TOM1: variants seen among roughly 807,000 people sequenced by gnomAD.
TOM1 encodes the protein target of myb1 membrane trafficking protein, also known as target of Myb protein 1.
Under a neutral mutation model 61.3 loss-of-function variants are expected in TOM1, and 38 were observed. The ratio of observed to expected loss-of-function variants is 0.62; its 90% CI spans 0.48 to 0.81. TOM1 has a LOEUF of 0.81. Among genes scored for constraint, TOM1 ranks in the 40% least tolerant of loss-of-function variants. The pLI is 0.00. For synonymous variants in TOM1, 270 were observed against 268.8 expected (o/e 1.00, Z -0.04); for missense variants, 591 against 659.6 (o/e 0.90, Z 1.14).
In TOM1 at chr22:35,323,451, CA is replaced by C; in HGVS notation, c.367-44del. On this transcript the variant is annotated intron_variant, in intron 4 of 14. Transcript: ENST00000449058. This position sits in a 1 kb window ranked among gnomAD's most constrained non-coding sequence, Gnocchi z 4.2. ...TCTGAGTGCCAGGTGGGCAGGCTCACAGGTGAGCTGTGGTTACCGGCTGTGT... is the reference window on the plus strand; with the variant it reads ...TCTGAGTGCCAGGTGGGCAGGCTCACGGTGAGCTGTGGTTACCGGCTGTGT... The C allele has an allele frequency of 3.1e-6, 5 of 1,606,672 alleles. No individual in the cohort carries two copies. The highest frequency in any genetic ancestry group is 4.3e-6 in the Non-Finnish European group (5 of 1,176,140).
chr22:35,318,694 G>A (rs1601681307), intron 2 of TOM1, among the ~76,000 whole-genome samples: 1 of 152,256 alleles, frequency 6.6e-6, no homozygotes, highest in Non-Finnish European at 1.5e-5. Context: ...GTCCCTGGAG[G>A]GAGCAGAAAG....
At chr22:35,305,219 A>G (rs1926210268) in intron 1 of TOM1, among the ~76,000 whole-genome samples, 3 of 152,180 alleles carry the variant, frequency 2.0e-5, no homozygotes, top group Admixed American at 2.0e-4. Flanking sequence ...TTCTGCTCCT[A>G]ACTATGTCAC....
chr22:35,306,073 A>G (rs1293731616), intron 1 of TOM1, among the ~76,000 whole-genome samples: 1 of 152,226 alleles, frequency 6.6e-6, no homozygotes, highest in African/African-American at 2.4e-5. Flanking sequence ...GCATAAATAA[A>G]AATATTTATG....
intron 2 of TOM1, among the ~76,000 whole-genome samples, chr22:35,320,357 CT>C (rs1271514571): frequency 6.6e-6 from 1 of 152,136 alleles, no homozygotes; most frequent in African/African-American, 2.4e-5. Context: ...CTGAGTATAC[CT>C]GTATAGGGCC....
At chr22:35,316,629 G>A (rs59583460) in intron 1 of TOM1, among the ~76,000 whole-genome samples, 2,166 of 152,230 alleles carry the variant, frequency 0.014, 47 homozygotes, top group African/African-American at 0.049. Flanking sequence ...GCCGACTCCC[G>A]GCCTGGAAAT....
In TOM1 at chr22:35,321,971, C is replaced by A; in HGVS notation, c.150C>A (p.Ala50=). The A allele has an allele frequency of 6.2e-7, 1 of 1,614,130 alleles. No homozygotes were observed. The highest frequency in any genetic ancestry group is 8.5e-7 in the Non-Finnish European group (1 of 1,180,000). Residue 50 remains alanine (A), a synonymous_variant, in exon 3 of 15, where the codon GCC becomes GCA. Transcript: ENST00000449058. The part of the protein sequence containing the change: ...INETEEGPKD[A]LRAVKKRIVG... ...TTGTCCTCCTTAGTCCCAAAGATGC[C>A]CTCCGAGCAGTAAAGAAGAGAATCG...
In TOM1 at chr22:35,346,954, G is replaced by C. The variant is rs778456902; in HGVS notation, c.1309G>C (p.Gly437Arg). The stretch of plus-strand genomic sequence containing the variant: ...GGGTAATGATGCGGAAGAGCCTAAG[G>C]GGGTCACCAGCGAAGGTAGTAGTCC... ...DVGNDAEEPK[G>R]VTSEEFDKFL... The change falls in exon 14 of 15, where the codon GGG becomes CGG. Residue 437 changes from glycine (G) to arginine (R), a missense_variant. By Grantham distance (125) the Gly-to-Arg change is moderately radical (BLOSUM62 -2). Transcript: ENST00000449058. 1.2e-6 allele frequency: 2 copies of C among 1,612,948 alleles called. No individual in the cohort carries two copies. The highest frequency in any genetic ancestry group is 1.1e-5 in the South Asian group (1 of 91,046).
intron 6 of TOM1, among the ~76,000 whole-genome samples, chr22:35,325,058 G>T (rs141309947): frequency 4.8e-4 from 73 of 152,360 alleles, no homozygotes; most frequent in Admixed American, 9.8e-4. Context: ...CCAGCTCGTA[G>T]AGCTGGGGGC....
intron 1 of TOM1, among the ~76,000 whole-genome samples, chr22:35,316,938 G>A (rs978135031): frequency 9.2e-5 from 14 of 152,152 alleles, no homozygotes; most frequent in East Asian, 1.9e-4. Context: ...GCTCGGCATC[G>A]GTCCCTTCTG....
intron 2 of TOM1, among the ~76,000 whole-genome samples, chr22:35,320,987 G>GAAAAA (rs138783): frequency 1.1e-5 from 1 of 88,914 alleles, no homozygotes. Context: ...GTCTCAGAAG[G>GAAAAA]AAAAAAAAAA....
At chr22:35,321,202 A>G (rs1927748302) in intron 2 of TOM1, among the ~76,000 whole-genome samples, 1 of 152,028 alleles carries the variant, frequency 6.6e-6, no homozygotes. Context: ...TAATGAAAAC[A>G]TTATGCCTCC....
At chr22:35,314,538 A>C (rs1190830391) in intron 1 of TOM1, among the ~76,000 whole-genome samples, 1 of 152,102 alleles carries the variant, frequency 6.6e-6, no homozygotes, top group Admixed American at 6.6e-5. Context: ...TTTAAAAGCC[A>C]CTTACTTGCC....
chr22:35,346,868 C>A, intron 13 of TOM1, 62 bp from the exon 14 acceptor site: 1 of 1,518,110 alleles, frequency 6.6e-7, no homozygotes, highest in Non-Finnish European at 9.1e-7. Flanking sequence ...AGCACCACTG[C>A]CCCAGGCTGA....
intron 6 of TOM1, among the ~76,000 whole-genome samples, chr22:35,324,438 G>C (rs79999446): frequency 7.0e-6 from 1 of 142,080 alleles, no homozygotes; most frequent in Non-Finnish European, 1.5e-5. Flanking sequence ...AAAAAAAAAG[G>C]CTTCATTTGA....
chr22:35,327,141 C>T, intron 6 of TOM1, 130 bp from the exon 7 acceptor site: 1 of 828,728 alleles, frequency 1.2e-6, no homozygotes, highest in South Asian at 1.5e-5. Context: ...GGGAGGCTGC[C>T]TAGAGAGGCT....
intron 8 of TOM1, among the ~76,000 whole-genome samples, chr22:35,331,098 T>TTA (rs1270026030): frequency 8.1e-5 from 12 of 148,766 alleles, no homozygotes; most frequent in Non-Finnish European, 1.5e-4. Flanking sequence ...TCCACCTTTT[T>TTA]TTTTTTTTTT....
intron 1 of TOM1, among the ~76,000 whole-genome samples, chr22:35,315,045 A>G (rs1261633324): frequency 6.6e-6 from 1 of 152,202 alleles, no homozygotes; most frequent in Non-Finnish European, 1.5e-5. Context: ...CTAGGGAGAC[A>G]CGGAAGGATT....
chr22:35,322,614 C>A, intron 3 of TOM1: 1 of 196,380 alleles, frequency 5.1e-6, no homozygotes, highest in Non-Finnish European at 1.0e-5. Context: ...GCAATTCCTG[C>A]AGTGGGAAGT....
intron 2 of TOM1, 100 bp downstream of exon 2, chr22:35,318,061 C>A: frequency 9.2e-7 from 1 of 1,086,760 alleles, no homozygotes; most frequent in Non-Finnish European, 1.4e-6. Flanking sequence ...AGCCCCATTG[C>A]TGCCATAGCC....
Sources: gnomAD v4.1 joint callset for allele counts (sites outside exome capture counted in the v4.1 genomes callset) on GRCh38, gnomAD v4.1.1 for gene constraint, Gnocchi (gnomAD v3.1) non-coding constraint, MANE v1.5 for transcripts, NCBI Gene and HGNC (gene_info 2026-07-23, HGNC 2026-07-21) for gene names.